The following MAP3K1 variants were observed in gnomAD, a reference collection of about 807,000 sequenced individuals.
MAP3K1 encodes MAP/ERK kinase kinase 1.
A neutral mutation model predicts 144.2 loss-of-function variants in MAP3K1; 36 were observed. The ratio of observed to expected loss-of-function variants is 0.25; its 90% CI spans 0.19 to 0.33. The LOEUF is 0.33. MAP3K1 is among the 10% of genes least tolerant of loss of function. The pLI is 1.00. For synonymous variants in MAP3K1, 718 were observed against 688.7 expected, an observed-to-expected ratio of 1.04 and a Z score of -0.67; for missense variants, 1,650 against 1,881.9, an observed-to-expected ratio of 0.88 and a Z score of 2.28.
At chr5:56,830,939 A>G (rs1434864693) in intron 1 of MAP3K1, among the ~76,000 whole-genome samples, 1 of 149,408 alleles carries the variant, frequency 6.7e-6, no homozygotes, top group East Asian at 2.0e-4. Flanking sequence ...GTAATGCACT[A>G]TGAGAGATTG....
At chr5:56,844,426 G>A (rs1187126799) in intron 1 of MAP3K1, among the ~76,000 whole-genome samples, 5 of 152,038 alleles carry the variant, frequency 3.3e-5, no homozygotes, top group South Asian at 2.1e-4. Flanking sequence ...TGATCCGCCC[G>A]CCTTGGCCTC....
At chr5:56,874,735 T>C (rs1372164323) in intron 9 of MAP3K1, among the ~76,000 whole-genome samples, 3 of 152,170 alleles carry the variant, frequency 2.0e-5, no homozygotes, top group African/African-American at 7.2e-5. Flanking sequence ...GGTAAGCATG[T>C]GGGACAGTAG....
intron 19 of MAP3K1, 56 bp downstream of exon 19, chr5:56,888,413 G>C: frequency 6.4e-7 from 1 of 1,560,840 alleles, no homozygotes; most frequent in Non-Finnish European, 8.8e-7. Flanking sequence ...GCAGAATTTG[G>C]CAGGAGGCAA....
intron 1 of MAP3K1, among the ~76,000 whole-genome samples, chr5:56,827,106 A>G (rs1746340376): frequency 1.3e-5 from 2 of 152,196 alleles, no homozygotes; most frequent in South Asian, 4.1e-4. Flanking sequence ...CAGGCCCAGA[A>G]ATCAGCAGTC....
rs1337818837 is a variant in MAP3K1 at position 56,882,006 on chromosome 5, G to A, written c.2806G>A (p.Val936Ile). The A allele has an allele frequency of 1.3e-6, 2 of 1,585,212 alleles. No individual in the cohort carries two copies. Among genetic ancestry groups the A allele is most frequent in the East Asian group, 2.3e-5 (1 of 44,380 alleles). ...TTCTGAGAGACTGGCCAGCATTTCA[G>A]TAGGACCTTCTAGTTCAACAACAAC... is the stretch of plus-strand genomic sequence containing the variant. ...DISERLASIS[V>I]GPSSSTTTTT... The change falls in exon 14 of 20, where the codon GTA becomes ATA. Residue 936 changes from valine to isoleucine, a missense_variant. Val to Ile is a conservative substitution (Grantham distance 29). Around this residue, in one of 6 missense-constraint regions of MAP3K1, gnomAD observed 841 missense variants for 886.5 expected, o/e 0.95. Coordinates refer to ENST00000399503, the MANE Select transcript of MAP3K1 (RefSeq NM_005921.2).
At chr5:56,856,256 A>G (rs879644754) in intron 1 of MAP3K1, among the ~76,000 whole-genome samples, 1 of 152,184 alleles carries the variant, frequency 6.6e-6, no homozygotes, top group Non-Finnish European at 1.5e-5. Context: ...AATTTATTGG[A>G]AATCCTGGGA....
intron 1 of MAP3K1, among the ~76,000 whole-genome samples, chr5:56,855,901 A>T (rs940616867): frequency 1.2e-4 from 19 of 152,188 alleles, no homozygotes; most frequent in African/African-American, 4.1e-4. Flanking sequence ...GGTATATTTT[A>T]AAATTAGTGA....
intron 10 of MAP3K1, among the ~76,000 whole-genome samples, chr5:56,876,709 GT>G: frequency 6.6e-6 from 1 of 152,070 alleles, no homozygotes; most frequent in Non-Finnish European, 1.5e-5. Flanking sequence ...ATAAACTTCA[GT>G]TTTCTCACCC....
rs1057480647 is a variant in MAP3K1, at chr5:56,880,996, G to T, written c.2180-87G>T. 2.5e-6 allele frequency: 3 copies of T among 1,180,416 alleles called. No individual in the cohort carries two copies. In the African/African-American group the frequency reaches 4.6e-5, roughly 18 times the overall value. 73.1% of individuals were successfully genotyped at this position (1,180,416 alleles called of 1,614,324 possible). A position where few individuals can be genotyped will look rare whatever the true frequency, so the allele number is the denominator to read the frequency against. On this transcript the variant is annotated intron_variant, in intron 12 of 19. Transcript: ENST00000399503. The stretch of plus-strand genomic sequence containing the variant: ...CTTTAAAATAGTTCAGAATATTTTT[G>T]TTGGCCTTACACCATTTAATCATGT...
At chr5:56,823,863 C>T (rs935156657) in intron 1 of MAP3K1, among the ~76,000 whole-genome samples, 2 of 152,084 alleles carry the variant, frequency 1.3e-5, no homozygotes, top group Non-Finnish European at 1.5e-5. Flanking sequence ...TTATTCTGTA[C>T]TTAATAGGGA....
intron 7 of MAP3K1, among the ~76,000 whole-genome samples, chr5:56,872,343 C>A (rs1364616885): frequency 3.3e-5 from 5 of 152,122 alleles, no homozygotes; most frequent in Non-Finnish European, 7.4e-5. Flanking sequence ...AAGACCTGGG[C>A]AGGCATTACA....
chr5:56,848,067 T>C (rs964276482), intron 1 of MAP3K1, among the ~76,000 whole-genome samples: 1 of 151,394 alleles, frequency 6.6e-6, no homozygotes, highest in Non-Finnish European at 1.5e-5. Flanking sequence ...GATTTGGGCA[T>C]GTACTTTATA....
intron 1 of MAP3K1, among the ~76,000 whole-genome samples, chr5:56,840,379 T>C (rs547146269): frequency 2.6e-5 from 4 of 152,206 alleles, no homozygotes; most frequent in African/African-American, 9.6e-5. Flanking sequence ...AACTCCAGAC[T>C]TGAGGTGTTC....
chr5:56,861,098 G>A (rs552036681), intron 3 of MAP3K1, among the ~76,000 whole-genome samples: 83 of 152,190 alleles, frequency 5.5e-4, no homozygotes, highest in Admixed American at 3.1e-3. Flanking sequence ...TATTTTCCAC[G>A]TGATCAGTGT....
At chr5:56,840,506 T>C (rs1746780669) in intron 1 of MAP3K1, among the ~76,000 whole-genome samples, 1 of 152,224 alleles carries the variant, frequency 6.6e-6, no homozygotes, top group Non-Finnish European at 1.5e-5. Flanking sequence ...TATTTAATAA[T>C]ACAAAACTTG....
intron 6 of MAP3K1, among the ~76,000 whole-genome samples, chr5:56,871,419 T>A (rs1257051528): frequency 6.6e-6 from 1 of 152,226 alleles, no homozygotes; most frequent in East Asian, 1.9e-4. Flanking sequence ...ACACTTAAAA[T>A]GTGATGTGTT....
chr5:56,849,495 T>A (rs565173468), intron 1 of MAP3K1, among the ~76,000 whole-genome samples: 1 of 152,240 alleles, frequency 6.6e-6, no homozygotes, highest in Non-Finnish European at 1.5e-5. Context: ...GGTCAAACTT[T>A]ACTGAATAAA....
chr5:56,852,083 GAA>G (rs11319168), intron 1 of MAP3K1: 79,726 of 148,770 alleles, frequency 0.54, 22,534 homozygotes, highest in Non-Finnish European at 0.65. Flanking sequence ...TCCTGGCAGG[GAA>G]AAAAAAAAAA....
chr5:56,891,140 ACACACACACCC>A (rs1204103561), intron 19 of MAP3K1, among the ~76,000 whole-genome samples: 40 of 44,754 alleles, frequency 8.9e-4, no homozygotes, highest in Non-Finnish European at 1.9e-3. Flanking sequence ...ACACACAGAC[ACACACACACCC>A]CCCCCCCCCA....
Sources: gnomAD v4.1 joint callset for allele counts (sites outside exome capture counted in the v4.1 genomes callset) on GRCh38, gnomAD v4.1.1 for gene constraint, gnomAD v4.1.1 regional missense constraint, MANE v1.5 for transcripts, NCBI Gene and HGNC (gene_info 2026-07-23, HGNC 2026-07-21) for gene names.